KIF13B: variants seen among roughly 807,000 people sequenced by gnomAD.
KIF13B encodes the protein kinesin-like protein KIF13B.
Under a neutral mutation model 222.0 loss-of-function variants are expected in KIF13B, and 127 were observed. That is an observed-to-expected ratio of 0.57 (90% CI 0.50 to 0.66). KIF13B has a LOEUF of 0.66. Among genes scored for constraint, KIF13B ranks in the 30% least tolerant of loss-of-function variants. The pLI, the probability that KIF13B is intolerant of heterozygous loss-of-function variation, is 0.00. For synonymous variants in KIF13B, 976 were observed against 919.0 expected, an observed-to-expected ratio of 1.06 and a Z score of -1.12; for missense variants, 2,173 against 2,379.0, an observed-to-expected ratio of 0.91 and a Z score of 1.80.
At chr8:29,129,080 A>T (rs915282189) in intron 24 of KIF13B, among the ~76,000 whole-genome samples, 5 of 152,158 alleles carry the variant, frequency 3.3e-5, no homozygotes, top group Non-Finnish European at 7.3e-5. Context: ...GGTTTTTGCC[A>T]TCATATAAGA....
intron 10 of KIF13B, among the ~76,000 whole-genome samples, chr8:29,168,616 C>G (rs60443164): frequency 6.6e-6 from 1 of 152,096 alleles, no homozygotes; most frequent in Non-Finnish European, 1.5e-5. Flanking sequence ...GGTGGCCCTA[C>G]GAAGAGAGGC....
chr8:29,140,664 T>C (rs1810777538), intron 19 of KIF13B, 47 bp from the exon 20 acceptor site: 1 of 1,549,048 alleles, frequency 6.5e-7, no homozygotes, highest in Non-Finnish European at 8.8e-7. Context: ...CCATTTACAA[T>C]AAATGCATTC....
At chr8:29,218,485 A>T (rs1814594838) in intron 2 of KIF13B, among the ~76,000 whole-genome samples, 1 of 152,234 alleles carries the variant, frequency 6.6e-6, no homozygotes, top group African/African-American at 2.4e-5. Flanking sequence ...AAAGAGACAG[A>T]AGATGTTAGT....
intron 7 of KIF13B, among the ~76,000 whole-genome samples, chr8:29,181,258 T>A (rs1207263432): frequency 6.6e-6 from 1 of 152,162 alleles, no homozygotes; most frequent in Non-Finnish European, 1.5e-5. Flanking sequence ...TAATAACACA[T>A]TTGGGGCCAC....
At chr8:29,227,049 T>G (rs1007762992) in intron 2 of KIF13B, among the ~76,000 whole-genome samples, 4 of 152,224 alleles carry the variant, frequency 2.6e-5, no homozygotes, top group African/African-American at 9.6e-5. Context: ...GATGACCAAT[T>G]ACTCTTTTAG....
intron 1 of KIF13B, among the ~76,000 whole-genome samples, chr8:29,250,513 C>T (rs1816236803): frequency 6.6e-6 from 1 of 152,160 alleles, no homozygotes. Flanking sequence ...ACTAATACAC[C>T]TAACCTAAAC....
intron 18 of KIF13B, among the ~76,000 whole-genome samples, chr8:29,145,603 C>G (rs1227063829): frequency 2.0e-5 from 3 of 152,014 alleles, no homozygotes; most frequent in African/African-American, 7.2e-5. Context: ...TGCATTCCAG[C>G]CTGGGTGACA....
Position 29,075,375 on chromosome 8 carries a change from A to G in KIF13B, c.4459-32T>C, listed in dbSNP as rs1250341285. 4.5e-6 allele frequency: 7 copies of G among 1,545,934 alleles called. No individual in the cohort carries two copies. The African/African-American group carries it at 9.6e-5, about 21-fold the overall frequency. On this transcript the variant is annotated intron_variant, in intron 37 of 39. Coordinates refer to ENST00000524189, the MANE Select transcript of KIF13B (RefSeq NM_015254.4). ...AGGCAAGTGTGCAGGTCAGGGGTCG[A>G]GAGGACAGAACAGGGGTAGCAGAAA...
In KIF13B at chr8:29,088,395, T is replaced by TA. The variant is rs1225590114; in HGVS notation, c.4458+4349dup. 6.6e-5 allele frequency among the ~76,000 whole-genome samples: 10 copies of TA among 152,288 alleles called. No individual in the cohort carries two copies. In the East Asian group the frequency reaches 1.7e-3, roughly 26 times the overall value. On this transcript the variant is annotated intron_variant, in intron 37 of 39. Coordinates refer to ENST00000524189, the MANE Select transcript of KIF13B (RefSeq NM_015254.4). Reference sequence around the variant, plus strand: ...AGAATATCTGCTAATCTAAACACCTTAAAAATAGGGTCTTGCTGGGCAGGG... The same window carrying TA: ...AGAATATCTGCTAATCTAAACACCTTAAAAAATAGGGTCTTGCTGGGCAGGG...
chr8:29,167,643 G>A, intron 10 of KIF13B, 58 bp from the exon 11 acceptor site: 1 of 1,384,786 alleles, frequency 7.2e-7, no homozygotes, highest in Non-Finnish European at 1.0e-6. Flanking sequence ...GACGTCATAT[G>A]AGAAACCTGA....
intron 35 of KIF13B, among the ~76,000 whole-genome samples, chr8:29,105,650 GTTTTTTT>G (rs869030059): frequency 0.12 from 9,058 of 77,786 alleles, 252 homozygotes; most frequent in Middle Eastern, 0.32. Flanking sequence ...AGTTTGTTTG[GTTTTTTT>G]TTTTTTTTTT....
chr8:29,122,478 GC>G, intron 29 of KIF13B, 112 bp downstream of exon 29: 1 of 791,642 alleles, frequency 1.3e-6, no homozygotes, highest in South Asian at 1.6e-5. Flanking sequence ...CGTCAAACTG[GC>G]TCTAGCCTTA....
At chr8:29,105,902 AC>A (rs1382528706) in intron 35 of KIF13B, among the ~76,000 whole-genome samples, 3 of 151,770 alleles carry the variant, frequency 2.0e-5, no homozygotes, top group Non-Finnish European at 4.4e-5. Flanking sequence ...CAGGTGATCC[AC>A]CTGCCTCAAC....
At chr8:29,197,336 CAAAAAAAA>C (rs71222598) in intron 2 of KIF13B, among the ~76,000 whole-genome samples, 3 of 57,780 alleles carry the variant, frequency 5.2e-5, no homozygotes, top group African/African-American at 1.4e-4. Flanking sequence ...GACTCCGTCT[CAAAAAAAA>C]AAAAAAAAAA....
chr8:29,153,061 A>G (rs994008243), intron 14 of KIF13B, among the ~76,000 whole-genome samples: 2 of 152,156 alleles, frequency 1.3e-5, no homozygotes, highest in Non-Finnish European at 2.9e-5. Context: ...GTATGCCTGT[A>G]TAATAGATTA....
intron 36 of KIF13B, among the ~76,000 whole-genome samples, chr8:29,095,986 GT>G (rs889271371): frequency 1.8e-3 from 253 of 139,276 alleles, no homozygotes; most frequent in African/African-American, 3.8e-3. Context: ...TTTGTTTTTT[GT>G]TTTTTTTTTT....
Position 29,150,333 on chromosome 8 carries a change from C to T in KIF13B, c.1586G>A (p.Gly529Glu). 1 of 1,595,122 alleles carries T rather than the reference C, an allele frequency of 6.3e-7. No individual in the cohort carries two copies. The highest frequency in any genetic ancestry group is 2.2e-5 in the East Asian group (1 of 44,698). ...ATTGTTTCCCCATAATATCCTGTCC[C>T]CATGGTGTAGCTGTATTGGACTGGA... ...SVSSPIQLHH[G>E]DRILWGNNHF... is the part of the protein sequence containing the mutation. Residue 529 changes from glycine (G) to glutamate (E), a missense_variant, in exon 15 of 40, where the codon GGG (glycine) becomes GAG (glutamate). This residue lies in a region of KIF13B where 1,480 missense variants were observed against 1,722.8 expected (regional missense o/e 0.86). Transcript: ENST00000524189.
At chr8:29,121,796 C>T (rs1327789854) in intron 29 of KIF13B, among the ~76,000 whole-genome samples, 2 of 150,566 alleles carry the variant, frequency 1.3e-5, no homozygotes, top group Non-Finnish European at 3.0e-5. Context: ...AAAATTTTCG[C>T]AGTTTTTTTT....
intron 2 of KIF13B, among the ~76,000 whole-genome samples, chr8:29,215,007 A>AC (rs1814408984): frequency 6.6e-6 from 1 of 152,146 alleles, no homozygotes; most frequent in Non-Finnish European, 1.5e-5. Flanking sequence ...GAGAGACAAA[A>AC]TCAAAACTGT....
Sources: gnomAD v4.1 joint callset for allele counts (sites outside exome capture counted in the v4.1 genomes callset) on GRCh38, gnomAD v4.1.1 for gene constraint, gnomAD v4.1.1 regional missense constraint, MANE v1.5 for transcripts, NCBI Gene and HGNC (gene_info 2026-07-23, HGNC 2026-07-21) for gene names.